CEP112: variants seen among roughly 807,000 people sequenced by gnomAD.
CEP112 encodes the protein centrosomal protein 112.
In CEP112, 127 loss-of-function variants were observed where a neutral mutation model predicts 153.0. The observed-to-expected ratio is 0.83, with a 90% CI of 0.72 to 0.96. CEP112 has a LOEUF of 0.96. Among genes scored for constraint, CEP112 ranks in the 40% least tolerant of loss-of-function variants. The pLI is 0.00. For synonymous variants in CEP112, 358 were observed against 374.4 expected (o/e 0.96, Z 0.51); for missense variants, 1,089 against 1,101.2 (o/e 0.99, Z 0.16).
At chr17:65,689,553 C>G (rs2047994104) in intron 23 of CEP112, among the ~76,000 whole-genome samples, 1 of 152,212 alleles carries the variant, frequency 6.6e-6, no homozygotes, top group Admixed American at 6.5e-5. Context: ...ATGGCTCCCT[C>G]AGGACACCTG....
rs1043407191 is a variant in CEP112, at chr17:65,635,820, T to A, written c.*151A>T. 4.1e-5 allele frequency: 31 copies of A among 763,160 alleles called. No homozygotes were observed. The highest frequency in any genetic ancestry group is 6.4e-5 in the Non-Finnish European group (30 of 466,756). 47.3% of individuals were successfully genotyped at this position (763,160 alleles called of 1,614,324 possible). ...CAAATAAAACCACCCCACTAGTGTA[T>A]GAATGATGCATGTTTTTATGATCTT... On this transcript the variant is annotated 3_prime_UTR_variant, in exon 27 of 27. Coordinates refer to ENST00000535342, the MANE Select transcript of CEP112 (RefSeq NM_001199165.4).
At chr17:65,817,912 G>A (rs1432073216) in intron 21 of CEP112, among the ~76,000 whole-genome samples, 1 of 151,706 alleles carries the variant, frequency 6.6e-6, no homozygotes, top group African/African-American at 2.4e-5. Context: ...CTATGTTGGG[G>A]TTATTTTATT....
intron 21 of CEP112, among the ~76,000 whole-genome samples, chr17:65,762,885 T>C (rs1333615414): frequency 2.6e-5 from 4 of 152,194 alleles, no homozygotes; most frequent in African/African-American, 9.6e-5. Context: ...GTTTTAATTT[T>C]ATCTTCACTT....
intron 21 of CEP112, among the ~76,000 whole-genome samples, chr17:65,806,468 G>C (rs1190413733): frequency 4.6e-5 from 7 of 152,188 alleles, no homozygotes; most frequent in Non-Finnish European, 1.0e-4. Flanking sequence ...GAGGTGATTA[G>C]ATCATGAGGG....
chr17:66,100,522 G>A (rs73353823), intron 6 of CEP112, among the ~76,000 whole-genome samples: 24,573 of 151,328 alleles, frequency 0.16, 2,743 homozygotes, highest in African/African-American at 0.31. Context: ...ACATAAAAAC[G>A]TGTTTAAAAA....
At chr17:65,951,749 C>CCCACCG in intron 18 of CEP112, among the ~76,000 whole-genome samples, 1 of 106,240 alleles carries the variant, frequency 9.4e-6, no homozygotes, top group Non-Finnish European at 2.0e-5. Context: ...CCCCGCCCCC[C>CCCACCG]CCTTTCTTCC....
rs2046357249 is a variant in CEP112 at position 65,660,892 on chromosome 17, G to T, written c.2698-19827C>A. On this transcript the variant is annotated intron_variant, in intron 24 of 26. Transcript: ENST00000535342. ...ACCTAATGTCACCATCCTGCTTCTA[G>T]TTTTTTCCTTCTCCAGCTGATTCTC... 2.0e-5 allele frequency among the ~76,000 whole-genome samples: 3 copies of T among 152,018 alleles called. No individual in the cohort carries two copies. The South Asian group carries it at 6.2e-4, about 32-fold the overall frequency.
chr17:66,034,463 C>T (rs1315490407), intron 12 of CEP112, among the ~76,000 whole-genome samples: 1 of 151,864 alleles, frequency 6.6e-6, no homozygotes, highest in Non-Finnish European at 1.5e-5. Context: ...TAGAAAGTAT[C>T]AAATTGCTAA....
intron 20 of CEP112, among the ~76,000 whole-genome samples, chr17:65,898,484 T>G (rs2059733401): frequency 6.6e-6 from 1 of 152,168 alleles, no homozygotes; most frequent in Non-Finnish European, 1.5e-5. Context: ...TTACAAATTC[T>G]ACATTTCGGA....
At chr17:66,154,106 G>A (rs1031879621) in intron 4 of CEP112, among the ~76,000 whole-genome samples, 1 of 152,146 alleles carries the variant, frequency 6.6e-6, no homozygotes, top group Non-Finnish European at 1.5e-5. Flanking sequence ...TTGAACATGG[G>A]AGGTGGAGGT....
intron 12 of CEP112, among the ~76,000 whole-genome samples, chr17:66,031,484 T>G (rs1471611763): frequency 3.9e-4 from 38 of 97,250 alleles, no homozygotes; most frequent in East Asian, 9.0e-4. Flanking sequence ...TTTTTTTTTT[T>G]TGTTTTTTTT....
chr17:66,129,897 A>G, intron 5 of CEP112, 74 bp from the exon 6 acceptor site: 2 of 954,652 alleles, frequency 2.1e-6, no homozygotes, highest in Non-Finnish European at 1.6e-6. Context: ...GATGGAAGAG[A>G]TAAAAGAGGA....
intron 17 of CEP112, among the ~76,000 whole-genome samples, chr17:65,985,954 C>G (rs1391): frequency 6.6e-6 from 1 of 151,444 alleles, no homozygotes; most frequent in Non-Finnish European, 1.5e-5. Flanking sequence ...CAGCAAATCA[C>G]GATAATTTAT....
intron 19 of CEP112, among the ~76,000 whole-genome samples, chr17:65,910,438 A>G (rs2060243268): frequency 6.6e-6 from 1 of 152,000 alleles, no homozygotes; most frequent in Non-Finnish European, 1.5e-5. Flanking sequence ...AGGTGAACTT[A>G]GTGACAAAGA....
chr17:65,912,191 T>C (rs552348810), intron 19 of CEP112, among the ~76,000 whole-genome samples: 1 of 152,298 alleles, frequency 6.6e-6, no homozygotes, highest in East Asian at 1.9e-4. Context: ...TGGCTCTCTA[T>C]CTTATCTCTC....
chr17:66,052,464 T>G (rs898503612), intron 12 of CEP112, among the ~76,000 whole-genome samples: 2 of 152,240 alleles, frequency 1.3e-5, no homozygotes, highest in East Asian at 3.9e-4. Context: ...CCTAAAGAGC[T>G]GAAGACAGTC....
At chr17:66,139,106 G>A (rs1267185794) in intron 4 of CEP112, among the ~76,000 whole-genome samples, 3 of 151,964 alleles carry the variant, frequency 2.0e-5, no homozygotes, top group Non-Finnish European at 4.4e-5. Context: ...CCAGCAGAAG[G>A]AAGTAAATAT....
chr17:65,676,111 C>A (rs1168369998), intron 24 of CEP112, among the ~76,000 whole-genome samples: 3 of 152,062 alleles, frequency 2.0e-5, no homozygotes, highest in African/African-American at 7.2e-5. Flanking sequence ...CAGGGGTGGG[C>A]AGATCACTTG....
At chr17:65,943,291 T>C (rs1402320976) in intron 18 of CEP112, among the ~76,000 whole-genome samples, 2 of 152,214 alleles carry the variant, frequency 1.3e-5, no homozygotes, top group African/African-American at 2.4e-5. Flanking sequence ...AAAGACAACA[T>C]GTCTTATATG....
Sources: allele counts gnomAD v4.1 joint callset (sites outside exome capture counted in the v4.1 genomes callset), GRCh38; gene constraint gnomAD v4.1.1; transcripts MANE v1.5; gene names NCBI Gene and HGNC (gene_info 2026-07-23, HGNC 2026-07-21).